STARD13: variants seen among roughly 807,000 people sequenced by gnomAD.
STARD13 encodes the protein stAR-related lipid transfer protein 13.
In STARD13, 62 loss-of-function variants were observed where a neutral mutation model predicts 106.4. That is an observed-to-expected ratio of 0.58 (90% CI 0.48 to 0.72). STARD13 has a LOEUF of 0.72. Ranked by LOEUF, STARD13 falls within the 30% of genes least tolerant of loss-of-function variation. The probability of loss-of-function intolerance (pLI) is 0.00; values close to 1 mark genes in which losing one functional copy is unlikely to be tolerated. For missense variants in STARD13, 1,387 were observed against 1,424.0 expected (o/e 0.97, Z 0.42); for synonymous variants, 565 against 553.0 (o/e 1.02, Z -0.31).
chr13:33,114,336 A>C (rs571138), intron 8 of STARD13, among the ~76,000 whole-genome samples: 35,240 of 151,910 alleles, frequency 0.23, 4,405 homozygotes, highest in South Asian at 0.3. Context: ...CTGCAGTCTC[A>C]TGCAGGAGGC....
chr13:33,154,912 G>A (rs917261667), intron 3 of STARD13, among the ~76,000 whole-genome samples: 3 of 152,070 alleles, frequency 2.0e-5, no homozygotes, highest in African/African-American at 4.8e-5. Context: ...CACTCACACT[G>A]AGGCTTCTTT....
chr13:33,544,165 C>T, the STARD13 span, among the ~76,000 whole-genome samples: 1 of 152,140 alleles, frequency 6.6e-6, no homozygotes, highest in Non-Finnish European at 1.5e-5. Flanking sequence ...AACAATCATA[C>T]TAATTTTACC....
intron 4 of STARD13, chr13:33,138,771 A>G (rs1879413359): frequency 6.8e-6 from 3 of 440,426 alleles, no homozygotes; most frequent in African/African-American, 6.1e-5. Flanking sequence ...TCTTCCAGTG[A>G]GGCGTGCAGC....
chr13:33,119,393 C>T (rs1189337536), intron 7 of STARD13, among the ~76,000 whole-genome samples: 1 of 152,176 alleles, frequency 6.6e-6, no homozygotes, highest in Non-Finnish European at 1.5e-5. Context: ...CCACTAGTGT[C>T]AGCCACTGCT....
chr13:33,375,284 A>T, the STARD13 span, among the ~76,000 whole-genome samples: 6 of 152,294 alleles, frequency 3.9e-5, no homozygotes, highest in South Asian at 1.2e-3. Flanking sequence ...GGGAAGACTA[A>T]GTGAGGGGAC....
the STARD13 span, among the ~76,000 whole-genome samples, chr13:33,453,572 A>T: frequency 1.3e-5 from 2 of 152,346 alleles, no homozygotes; most frequent in South Asian, 4.1e-4. Flanking sequence ...TGTTTAAGGA[A>T]ATCCCAATAA....
the STARD13 span, among the ~76,000 whole-genome samples, chr13:33,443,888 CAAAA>C: frequency 6.0e-5 from 3 of 50,222 alleles, no homozygotes; most frequent in South Asian, 7.5e-4. Context: ...GACTCAGTCT[CAAAA>C]AAAAAAAAAA....
the STARD13 span, among the ~76,000 whole-genome samples, chr13:33,428,888 G>C: frequency 6.6e-6 from 1 of 152,100 alleles, no homozygotes; most frequent in Non-Finnish European, 1.5e-5. Context: ...TTCTCAAAAG[G>C]AGACATGCAG....
Position 33,349,128 on chromosome 13 carries a change from T to G in STARD13, c.*21A>C, listed in dbSNP as rs200044446. The stretch of plus-strand genomic sequence containing the variant: ...TAAATCTCCCGCTTCACCAGTGGTG[T>G]CCTTTCCTTCTTTCTAGGCATCAGA... On this transcript the variant is annotated 3_prime_UTR_variant, in exon 2 of 2. Coordinates refer to the STARD13 transcript ENST00000439831. 79 of 702,266 alleles carry G rather than the reference T, an allele frequency of 1.1e-4. No homozygotes were observed. In the East Asian group the frequency reaches 2.0e-3, roughly 18 times the overall value. 43.5% of individuals were successfully genotyped at this position (702,266 alleles called of 1,614,324 possible). A position where few individuals can be genotyped will look rare whatever the true frequency, so the allele number is the denominator to read the frequency against.
intron 1 of STARD13, among the ~76,000 whole-genome samples, chr13:33,309,491 G>A (rs1893050783): frequency 6.6e-6 from 1 of 152,328 alleles, no homozygotes; most frequent in Middle Eastern, 3.4e-3. Context: ...AGGCAGGAGA[G>A]AAGCTGGTGC....
chr13:33,663,716 G>GA, the STARD13 span, among the ~76,000 whole-genome samples: 3 of 152,106 alleles, frequency 2.0e-5, no homozygotes, highest in East Asian at 3.8e-4. Flanking sequence ...ACGACAGTCA[G>GA]AAAAAAATAG....
At chr13:33,422,530 A>G in the STARD13 span, among the ~76,000 whole-genome samples, 1 of 152,332 alleles carries the variant, frequency 6.6e-6, no homozygotes, top group Non-Finnish European at 1.5e-5. Flanking sequence ...AAGGTAATTT[A>G]TAGATTCAAT....
chr13:33,534,215 C>A, the STARD13 span, among the ~76,000 whole-genome samples: 2 of 152,118 alleles, frequency 1.3e-5, no homozygotes, highest in African/African-American at 4.8e-5. Flanking sequence ...TATTTTATGT[C>A]CTAGAGTCTC....
At chr13:33,236,650 G>C (rs1889204665) in intron 1 of STARD13, among the ~76,000 whole-genome samples, 1 of 152,114 alleles carries the variant, frequency 6.6e-6, no homozygotes, top group African/African-American at 2.4e-5. Flanking sequence ...TGGATACAGG[G>C]GAAGAGCAAT....
At chr13:33,238,050 G>C (rs1412220857) in intron 1 of STARD13, among the ~76,000 whole-genome samples, 3 of 152,198 alleles carry the variant, frequency 2.0e-5, no homozygotes, top group African/African-American at 7.2e-5. Flanking sequence ...TTTGAGATTA[G>C]CTCTTCTACT....
intron 1 of STARD13, among the ~76,000 whole-genome samples, chr13:33,319,281 A>G (rs1336341596): frequency 6.6e-6 from 1 of 152,230 alleles, no homozygotes; most frequent in Non-Finnish European, 1.5e-5. Context: ...TAAGTGAAAG[A>G]TGCCAGACAC....
At chr13:33,299,173 T>C (rs2138457788) in intron 1 of STARD13, among the ~76,000 whole-genome samples, 1 of 152,342 alleles carries the variant, frequency 6.6e-6, no homozygotes, top group East Asian at 1.9e-4. Flanking sequence ...CCACATAGCC[T>C]AGGTGTGTTG....
At chr13:33,327,702 T>A (rs889319695) in intron 1 of STARD13, among the ~76,000 whole-genome samples, 10 of 152,242 alleles carry the variant, frequency 6.6e-5, no homozygotes, top group Non-Finnish European at 8.8e-5. Context: ...GTATTATTTT[T>A]TATCATTGTA....
chr13:33,298,296 A>ATTTTTTT (rs10718236), intron 1 of STARD13, among the ~76,000 whole-genome samples: 1 of 137,892 alleles, frequency 7.3e-6, no homozygotes. Context: ...TGCTCAGCTA[A>ATTTTTTT]TTTTTTTTTT....
Sources: allele counts gnomAD v4.1 joint callset (sites outside exome capture counted in the v4.1 genomes callset), GRCh38; gene constraint gnomAD v4.1.1; transcripts MANE v1.5; gene names NCBI Gene and HGNC (gene_info 2026-07-23, HGNC 2026-07-21).